Variants in ZPLD1 observed in about 807,000 individuals in gnomAD.
ZPLD1 encodes zona pellucida-like domain-containing protein 1.
In ZPLD1, 34 loss-of-function variants were observed where a neutral mutation model predicts 47.2. The observed-to-expected ratio is 0.72, with a 90% CI of 0.55 to 0.96. The LOEUF (loss-of-function observed/expected upper bound fraction) is 0.96. Ranked by LOEUF, ZPLD1 falls within the 40% of genes least tolerant of loss-of-function variation. The pLI, the probability that ZPLD1 is intolerant of heterozygous loss-of-function variation, is 0.00. For missense variants in ZPLD1, 512 were observed against 505.8 expected, an observed-to-expected ratio of 1.01 and a Z score of -0.12; for synonymous variants, 176 against 186.2, an observed-to-expected ratio of 0.95 and a Z score of 0.45.
chr3:102,472,122 T>G (rs1707694577), intron 10 of ZPLD1, among the ~76,000 whole-genome samples: 1 of 152,216 alleles, frequency 6.6e-6, no homozygotes, highest in Non-Finnish European at 1.5e-5. Flanking sequence ...GACCTAACAT[T>G]ATTTAAAAAC....
intron 10 of ZPLD1, among the ~76,000 whole-genome samples, chr3:102,471,565 C>T (rs1312447880): frequency 2.0e-5 from 3 of 152,164 alleles, no homozygotes. Context: ...CACACATACA[C>T]ACACACAATG....
intron 6 of ZPLD1, among the ~76,000 whole-genome samples, chr3:102,388,453 G>GTCTCTCTCTC (rs1199534080): frequency 1.5e-4 from 21 of 143,780 alleles, no homozygotes; most frequent in Non-Finnish European, 3.0e-4. Context: ...CTCTCTCTCT[G>GTCTCTCTCTC]TCTGTGTGTG....
chr3:102,476,220 A>G (rs1362111459), intron 10 of ZPLD1, among the ~76,000 whole-genome samples: 1 of 152,182 alleles, frequency 6.6e-6, no homozygotes, highest in Non-Finnish European at 1.5e-5. Context: ...CACGCATTAT[A>G]TGGTTCAAAT....
intron 7 of ZPLD1, 98 bp downstream of exon 7, chr3:102,462,476 G>A (rs2107346975): frequency 2.8e-6 from 2 of 725,682 alleles, no homozygotes; most frequent in Non-Finnish European, 4.4e-6. Flanking sequence ...AATTCAGTTT[G>A]AAAATATTAT....
At chr3:102,420,586 C>G (rs1559745990) in intron 8 of ZPLD1, among the ~76,000 whole-genome samples, 1 of 151,734 alleles carries the variant, frequency 6.6e-6, no homozygotes, top group Non-Finnish European at 1.5e-5. Flanking sequence ...ACTTTTCACG[C>G]AAGGTTATTC....
intron 6 of ZPLD1, among the ~76,000 whole-genome samples, chr3:102,458,407 T>G (rs1374638220): frequency 6.6e-6 from 1 of 152,198 alleles, no homozygotes; most frequent in East Asian, 1.9e-4. Context: ...GAAAAATACA[T>G]GGATTTCTAT....
intron 3 of ZPLD1, among the ~76,000 whole-genome samples, chr3:102,449,986 T>C (rs927513631): frequency 2.0e-5 from 3 of 152,196 alleles, no homozygotes; most frequent in Non-Finnish European, 4.4e-5. Context: ...AAACCTTTCC[T>C]GCCTATGGGA....
intron 10 of ZPLD1, 62 bp downstream of exon 10, chr3:102,470,564 CTT>C: frequency 7.3e-7 from 1 of 1,372,352 alleles, no homozygotes; most frequent in Non-Finnish European, 1.0e-6. Flanking sequence ...CGTTACTTGG[CTT>C]CTAACGAGAA....
chr3:102,401,363 G>A (rs1439608497), intron 7 of ZPLD1, among the ~76,000 whole-genome samples: 3 of 152,084 alleles, frequency 2.0e-5, no homozygotes, highest in African/African-American at 7.2e-5. Flanking sequence ...ACATTTGACA[G>A]GACTGCACAA....
chr3:102,388,087 C>T (rs961598962), intron 6 of ZPLD1, among the ~76,000 whole-genome samples: 5 of 152,032 alleles, frequency 3.3e-5, no homozygotes. Flanking sequence ...GTCTCGATTT[C>T]CTGACCTCGT....
intron 10 of ZPLD1, among the ~76,000 whole-genome samples, chr3:102,470,872 G>A (rs1707673587): frequency 6.6e-6 from 1 of 151,392 alleles, no homozygotes; most frequent in South Asian, 2.1e-4. Context: ...TCCGCCTCCC[G>A]GGTTCAAGAG....
chr3:102,435,498 T>C (rs7622752), intron 1 of ZPLD1, among the ~76,000 whole-genome samples: 1,692 of 152,278 alleles, frequency 0.011, 28 homozygotes, highest in African/African-American at 0.039. Context: ...TTTTCCTGCA[T>C]TGGATGCCCT....
chr3:102,462,365 A>T lies in ZPLD1; in HGVS notation c.667A>T (p.Asn223Tyr). The change falls in exon 7 of 12, where the codon AAT becomes TAT. Residue 223 changes from asparagine to tyrosine, a missense_variant. Coordinates refer to ENST00000466937, the MANE Select transcript of ZPLD1 (RefSeq NM_001329788.2). ...AGTATTTGCAGCTGTCCAAGCCACT[A>T]ATTTGGATGGCAGGTAATTTCAAAC... ...TKVFAAVQAT[N>Y]LDGRWNVLMD... The T allele has an allele frequency of 6.2e-7, 1 of 1,607,848 alleles. No homozygotes were observed. Among genetic ancestry groups the T allele is most frequent in the Non-Finnish European group, 8.5e-7 (1 of 1,176,986 alleles).
At chr3:102,443,370 T>C (rs907084713) in intron 3 of ZPLD1, among the ~76,000 whole-genome samples, 12 of 152,340 alleles carry the variant, frequency 7.9e-5, no homozygotes, top group African/African-American at 2.2e-4. Context: ...AAAATCTTTT[T>C]AAATACCCCC....
At chr3:102,409,681 T>C (rs1419994441) in intron 7 of ZPLD1, among the ~76,000 whole-genome samples, 1 of 151,802 alleles carries the variant, frequency 6.6e-6, no homozygotes, top group Non-Finnish European at 1.5e-5. Context: ...TTCCTTAGGA[T>C]GAATATCAGT....
rs532389605 is a variant in ZPLD1, at chr3:102,458,358, A to G, written c.582+505A>G. Among the ~76,000 whole-genome samples the G allele has an allele frequency of 2.6e-5, 4 of 152,296 alleles. No individual in the cohort carries two copies. In the East Asian group the frequency reaches 7.7e-4, roughly 29 times the overall value. On this transcript the variant is annotated intron_variant, in intron 6 of 11. Coordinates refer to ENST00000466937, the MANE Select transcript of ZPLD1 (RefSeq NM_001329788.2). Reference sequence around the variant, plus strand: ...GGATTGACTACATAGCATTATCTAAATTTTTGTCATGTAAATATCGACATT... The same window carrying G: ...GGATTGACTACATAGCATTATCTAAGTTTTTGTCATGTAAATATCGACATT...
intron 7 of ZPLD1, among the ~76,000 whole-genome samples, chr3:102,463,885 A>T (rs1243160147): frequency 1.2e-4 from 11 of 92,732 alleles, no homozygotes; most frequent in African/African-American, 3.8e-4. Flanking sequence ...TAAAAATACA[A>T]AAAAAAAAAA....
chr3:102,463,185 T>C (rs1450340544), intron 7 of ZPLD1, among the ~76,000 whole-genome samples: 3 of 152,184 alleles, frequency 2.0e-5, no homozygotes, highest in Non-Finnish European at 4.4e-5. Flanking sequence ...AATGTATAAA[T>C]GTGAGCAAAA....
At chr3:102,467,835 G>GCACA (rs1707620597) in intron 8 of ZPLD1, among the ~76,000 whole-genome samples, 1 of 97,928 alleles carries the variant, frequency 1.0e-5, no homozygotes, top group Non-Finnish European at 2.1e-5. Context: ...GAATAAAACT[G>GCACA]TACACACACA....
Sources: gnomAD v4.1 joint callset for allele counts (sites outside exome capture counted in the v4.1 genomes callset) on GRCh38, gnomAD v4.1.1 for gene constraint, MANE v1.5 for transcripts, NCBI Gene and HGNC (gene_info 2026-07-23, HGNC 2026-07-21) for gene names.